Variants in TMEM43 observed in about 807,000 individuals in gnomAD.
TMEM43 encodes the protein transmembrane protein 43.
In TMEM43, 45 loss-of-function variants were observed where a neutral mutation model predicts 49.6. That is an observed-to-expected ratio of 0.91 (90% confidence interval 0.71 to 1.16). TMEM43 has a LOEUF of 1.16. TMEM43 is among the 50% of genes most tolerant of loss of function. TMEM43 has a pLI of 0.00. For missense variants in TMEM43, 532 were observed against 516.6 expected (o/e 1.03, Z -0.29); for synonymous variants, 199 against 207.8 (o/e 0.96, Z 0.36).
rs577237727 is a variant in TMEM43 at position 14,125,240 on chromosome 3, G to A, written c.12+35G>A. 1.3e-5 allele frequency: 20 copies of A among 1,595,838 alleles called. No individual in the cohort carries two copies. In the South Asian group the frequency reaches 2.0e-4, roughly 16 times the overall value. On this transcript the variant is annotated intron_variant, in intron 1 of 11. Transcript: ENST00000306077. ...CCCGGGCCAGCCGGGCCACACCCAG[G>A]CTTCCCCGTCGCCCTGGGGCTTTTC... is the stretch of plus-strand genomic sequence containing the variant.
chr3:14,130,499 T>TA (rs903396272), intron 2 of TMEM43, among the ~76,000 whole-genome samples: 2 of 151,210 alleles, frequency 1.3e-5, no homozygotes, highest in Admixed American at 6.6e-5. Flanking sequence ...AAAATAAAAT[T>TA]AAAAAAAAGA....
At chr3:14,130,480 TTAAACA>T (rs1306048871) in intron 2 of TMEM43, among the ~76,000 whole-genome samples, 3 of 151,884 alleles carry the variant, frequency 2.0e-5, no homozygotes, top group South Asian at 4.2e-4. Context: ...TACAAAAAAC[TTAAACA>T]TAAAAATAAA....
intron 7 of TMEM43, among the ~76,000 whole-genome samples, chr3:14,134,540 T>C (rs1695140985): frequency 1.3e-5 from 2 of 152,272 alleles, no homozygotes; most frequent in African/African-American, 2.4e-5. Flanking sequence ...CCACTCCCAG[T>C]GCTGTGGTCA....
chr3:14,139,220 C>T lies in TMEM43; in HGVS notation c.923C>T (p.Thr308Ile). 2 of 1,614,174 alleles carry T rather than the reference C, an allele frequency of 1.2e-6. No individual in the cohort carries two copies. The highest frequency in any genetic ancestry group is 1.1e-5 in the South Asian group (1 of 91,076). ...GAACTAAGGAGCAACTCCATGAAGA[C>T]CTGGGGCCTGCGGGCAGCTGGCTGG... ...HRELRSNSMKTWGLRAAGWMA... is the reference protein window; with the variant it reads ...HRELRSNSMKIWGLRAAGWMA... The change falls in exon 11 of 12, where the codon ACC (threonine) becomes ATC (isoleucine). Residue 308 changes from threonine (T) to isoleucine (I), a missense_variant. Transcript: ENST00000306077.
intron 10 of TMEM43, chr3:14,136,116 A>G: frequency 3.0e-6 from 2 of 664,886 alleles, no homozygotes; most frequent in Non-Finnish European, 2.8e-6. Context: ...AGGTATTTGT[A>G]TATACATAAT....
rs201916031 is a variant in TMEM43 at position 14,134,898 on chromosome 3, G to A, written c.705+7G>A. The A allele has an allele frequency of 6.5e-4, 1,044 of 1,614,118 alleles. No homozygotes were observed. Among genetic ancestry groups the A allele is most frequent in the Non-Finnish European group, 7.9e-4 (933 of 1,180,008 alleles). On this transcript the variant is annotated splice_region_variant and intron_variant, in intron 8 of 11. Coordinates refer to ENST00000306077, the MANE Select transcript of TMEM43 (RefSeq NM_024334.3). ...AAATCCCAAGTATCCAGAGGTGTGCGGAGAGGCCTGGGCTCTCCAAATAGG... is the reference window on the plus strand; with the variant it reads ...AAATCCCAAGTATCCAGAGGTGTGCAGAGAGGCCTGGGCTCTCCAAATAGG...
Position 14,143,377 on chromosome 3 carries a change from A to G in TMEM43, c.*1582A>G, listed in dbSNP as rs995825251. The G allele has an allele frequency of 3.3e-5, 5 of 152,242 alleles. No homozygotes were observed. Among genetic ancestry groups the G allele is most frequent in the African/African-American group, 9.6e-5 (4 of 41,462 alleles). 9.4% of individuals were successfully genotyped at this position (152,242 alleles called of 1,614,324 possible). A position where few individuals can be genotyped will look rare whatever the true frequency, so the allele number is the denominator to read the frequency against. On this transcript the variant is annotated 3_prime_UTR_variant, in exon 12 of 12. Transcript: ENST00000306077. ...ACATGAAAAACACAGCCAGCCCAAGATGACTTATCTGGGTTTAGGATTCAA... is the reference window on the plus strand; with the variant it reads ...ACATGAAAAACACAGCCAGCCCAAGGTGACTTATCTGGGTTTAGGATTCAA...
rs565761168 is a variant in TMEM43, at chr3:14,132,282, T to C, written c.393-264T>C. 7.5e-4 allele frequency among the ~76,000 whole-genome samples: 114 copies of C among 152,342 alleles called. 1 individual carries two copies. The highest frequency in any genetic ancestry group is 1.4e-3 in the Non-Finnish European group (93 of 68,028). On this transcript the variant is annotated intron_variant, in intron 4 of 11. Transcript: ENST00000306077. Reference sequence around the variant, plus strand: ...GATCTCTGAGCCCAAAGGGCAGGGCTGGGCCCCTTGGTGTAAGGCCAGTGC... The same window carrying C: ...GATCTCTGAGCCCAAAGGGCAGGGCCGGGCCCCTTGGTGTAAGGCCAGTGC...
chr3:14,131,496 A>G (rs1410466599), intron 3 of TMEM43, 84 bp from the exon 4 acceptor site: 2 of 1,114,102 alleles, frequency 1.8e-6, no homozygotes, highest in Non-Finnish European at 2.7e-6. Flanking sequence ...TTCCTCTTCC[A>G]GTCCAGCTTC....
intron 1 of TMEM43, among the ~76,000 whole-genome samples, chr3:14,127,016 A>G (rs769549938): frequency 3.9e-5 from 6 of 152,034 alleles, no homozygotes; most frequent in Non-Finnish European, 8.8e-5. Context: ...AGTTCTGTCC[A>G]TTTCCAGGGC....
intron 4 of TMEM43, 119 bp downstream of exon 4, chr3:14,131,793 A>G: frequency 1.3e-6 from 1 of 789,116 alleles, no homozygotes; most frequent in Admixed American, 2.2e-5. Flanking sequence ...ACATCTTCCT[A>G]TCAGAAAAGT....
At position 14,129,419 on chromosome 3, in the gene TMEM43, G is replaced by A. The variant is rs1695062554; in HGVS notation, c.20G>A (p.Ser7Asn). MAANYS[S>N]TSTRREHVKV... ...CTGTTTCTTTTTCTTCAGTATTCCA[G>A]TACCAGTACCCGGAGAGAACATGTC... Residue 7 changes from serine to asparagine, a missense_variant, in exon 2 of 12, where the codon AGT becomes AAT. Ser to Asn is a conservative substitution (Grantham distance 46). Transcript: ENST00000306077. The A allele has an allele frequency of 6.2e-7, 1 of 1,610,792 alleles. No individual in the cohort carries two copies. The highest frequency in any genetic ancestry group is 8.5e-7 in the Non-Finnish European group (1 of 1,179,398).
intron 9 of TMEM43, 102 bp downstream of exon 9, chr3:14,135,334 C>A: frequency 2.0e-6 from 2 of 989,206 alleles, no homozygotes; most frequent in Non-Finnish European, 3.1e-6. Context: ...CCCCTTTTCC[C>A]TGGGGAAAGG....
At chr3:14,128,023 T>G (rs758723008) in intron 1 of TMEM43, among the ~76,000 whole-genome samples, 10 of 152,158 alleles carry the variant, frequency 6.6e-5, no homozygotes, top group Non-Finnish European at 8.8e-5. Flanking sequence ...ACGTGTCCAG[T>G]GCTTACCACG....
chr3:14,142,112 CAGCT>C lies in TMEM43; in HGVS notation c.*318_*321del. ...TACGGCCAGCCACTCAGCCCATTGGCAGCTGACAACGCAGACACGCTCTACGGAG... is the reference window on the plus strand; with the variant it reads ...TACGGCCAGCCACTCAGCCCATTGGCGACAACGCAGACACGCTCTACGGAG... On this transcript the variant is annotated 3_prime_UTR_variant, in exon 12 of 12. Transcript: ENST00000306077. The C allele has an allele frequency of 2.4e-6, 1 of 417,304 alleles. No individual in the cohort carries two copies. The highest frequency in any genetic ancestry group is 4.5e-6 in the Non-Finnish European group (1 of 223,766). The allele number at this position is 417,304 out of a possible 1,614,324, so 25.9% of individuals were successfully genotyped here. A position where few individuals can be genotyped will look rare whatever the true frequency, so the allele number is the denominator to read the frequency against.
At chr3:14,131,072 C>T (rs777539770) in intron 3 of TMEM43, 116 bp downstream of exon 3, 183 of 1,324,974 alleles carry the variant, frequency 1.4e-4, no homozygotes, top group Non-Finnish European at 1.8e-4. Flanking sequence ...GAGTGATTCC[C>T]GACTTTACCA....
rs1553602998 is a variant in TMEM43 at position 14,131,708 on chromosome 3, A to G, written c.392+34A>G. 1.4e-5 allele frequency: 21 copies of G among 1,508,426 alleles called. No individual in the cohort carries two copies. In the South Asian group the frequency reaches 1.9e-4, roughly 14 times the overall value. The allele number at this position is 1,508,426 out of a possible 1,614,324, so 93.4% of individuals were successfully genotyped here. A position where few individuals can be genotyped will look rare whatever the true frequency, so the allele number is the denominator to read the frequency against. On this transcript the variant is annotated intron_variant, in intron 4 of 11. Transcript: ENST00000306077. ...TTGGGGTGAAAACTCTGTTGGGGTA[A>G]AGGAGGAGTGAAGTGTAGGTGTCAG...
At chr3:14,134,021 C>T (rs1223581382) in intron 7 of TMEM43, among the ~76,000 whole-genome samples, 1 of 152,208 alleles carries the variant, frequency 6.6e-6, no homozygotes, top group African/African-American at 2.4e-5. Flanking sequence ...TACCAGGTTC[C>T]TCTGAAATCT....
intron 10 of TMEM43, among the ~76,000 whole-genome samples, chr3:14,136,712 G>T (rs1226941278): frequency 6.7e-6 from 1 of 150,182 alleles, no homozygotes; most frequent in Non-Finnish European, 1.5e-5. Flanking sequence ...TGGGTGGGGG[G>T]GCTCCACCAA....
Sources: allele counts gnomAD v4.1 joint callset (sites outside exome capture counted in the v4.1 genomes callset), GRCh38; gene constraint gnomAD v4.1.1; transcripts MANE v1.5; gene names NCBI Gene and HGNC (gene_info 2026-07-23, HGNC 2026-07-21).